The following DSC3 variants were observed in gnomAD, a reference collection of about 807,000 sequenced individuals.
The protein encoded by DSC3 is desmocollin 3.
DSC3 carries 97 observed loss-of-function variants against 89.5 expected under a neutral mutation model. The observed-to-expected ratio is 1.08, with a 90% confidence interval of 0.92 to 1.28. DSC3 has a LOEUF of 1.28. Ranked by LOEUF, DSC3 falls within the 50% of genes most tolerant of loss-of-function variation. DSC3 has a pLI of 0.00. For synonymous variants in DSC3, 436 were observed against 384.1 expected (o/e 1.14, Z -1.58); for missense variants, 1,199 against 1,085.3 (o/e 1.10, Z -1.47).
Position 30,997,041 on chromosome 18 carries a change from G to A in DSC3, c.2243C>T (p.Ala748Val), listed in dbSNP as rs769239542. The A allele has an allele frequency of 3.1e-6, 5 of 1,614,034 alleles. No homozygotes were observed. The highest frequency in any genetic ancestry group is 4.2e-6 in the Non-Finnish European group (5 of 1,180,018). ...GGTAGTTTGGGTCATAAATCCATTG[G>A]CAGAGCACTGAAATAATAAAATGAA... ...EAPGDDRVCSANGFMTQTTNN... is the reference protein window; with the variant it reads ...EAPGDDRVCSVNGFMTQTTNN... Residue 748 changes from alanine (A) to valine (V), a missense_variant, in exon 15 of 16, where the codon GCC becomes GTC. By Grantham distance (64) the Ala-to-Val change is moderately conservative (BLOSUM62 0). Transcript: ENST00000360428.
At position 31,008,071 on chromosome 18, in the gene DSC3, C is replaced by T. The variant is rs140923080; in HGVS notation, c.1608G>A (p.Glu536=). Residue 536 remains glutamate (E), a synonymous_variant, in exon 11 of 16, where the codon GAG becomes GAA. Coordinates refer to ENST00000360428, the MANE Select transcript of DSC3 (RefSeq NM_001941.5). The part of the protein sequence containing the change: ...SIITSKILDR[E]VETPKNELYN... ...ACAACTCATTTTTGGGAGTTTCAAC[C>T]TCCCTATCCAGGATTTTGGAAGTTA... The T allele has an allele frequency of 4.4e-5, 71 of 1,612,960 alleles. No individual in the cohort carries two copies. The highest frequency in any genetic ancestry group is 1.6e-4 in the Middle Eastern group (1 of 6,074).
chr18:31,012,119 T>C (rs778175004), intron 9 of DSC3, among the ~76,000 whole-genome samples: 8 of 151,922 alleles, frequency 5.3e-5, no homozygotes, highest in Non-Finnish European at 1.0e-4. Context: ...AGGGTTTGGA[T>C]AAAATATGAA....
rs745765744 is a variant in DSC3, at chr18:31,031,047, A to G, written c.280T>C (p.Phe94Leu). The change falls in exon 3 of 16, where the codon TTT (phenylalanine) becomes CTT (leucine). Residue 94 changes from phenylalanine (F) to leucine (L), a missense_variant. Physicochemically the swap from Phe to Leu is conservative, Grantham distance 22. Transcript: ENST00000360428. ...CTTTTGTCAGAAAGCCATATGGTAAATGATCTTTTCTTATCAGACAGCGCA... is the reference window on the plus strand; with the variant it reads ...CTTTTGTCAGAAAGCCATATGGTAAGTGATCTTTTCTTATCAGACAGCGCA... ...AVALSDKKRS[F>L]TIWLSDKRKQ... 6 of 1,614,036 alleles carry G rather than the reference A, an allele frequency of 3.7e-6. No homozygotes were observed. Among genetic ancestry groups the G allele is most frequent in the Non-Finnish European group, 4.2e-6 (5 of 1,179,962 alleles).
chr18:31,005,993 G>A (rs1482118179), intron 12 of DSC3, among the ~76,000 whole-genome samples: 3 of 152,096 alleles, frequency 2.0e-5, no homozygotes, highest in African/African-American at 7.2e-5. Flanking sequence ...CTAAGAAATG[G>A]AAAAGGAGGT....
In DSC3 at chr18:31,001,626, C is replaced by A. The variant is rs755736392; in HGVS notation, c.2227G>T (p.Asp743Tyr). ...ATTTAAAAATTACTTACCACTCTAT[C>A]GTCTCCAGGTGCTTCTGTGTTTGAT... ...IISNTEAPGD[D>Y]RVCSANGFMT... Residue 743 changes from aspartate (D) to tyrosine (Y), a missense_variant, in exon 14 of 16, where the codon GAT becomes TAT. Asp to Tyr is a radical substitution (Grantham distance 160). Transcript: ENST00000360428. 27 of 1,609,370 alleles carry A rather than the reference C, an allele frequency of 1.7e-5. 1 individual carries two copies. The highest frequency in any genetic ancestry group is 1.7e-5 in the Admixed American group (1 of 59,928).
intron 4 of DSC3, among the ~76,000 whole-genome samples, chr18:31,027,963 G>C (rs189502481): frequency 6.6e-6 from 1 of 152,186 alleles, no homozygotes; most frequent in Admixed American, 6.5e-5. Context: ...AATTGAGATG[G>C]GAGGCTGTTT....
At chr18:31,009,782 AT>A (rs200312823) in intron 9 of DSC3, among the ~76,000 whole-genome samples, 5 of 151,810 alleles carry the variant, frequency 3.3e-5, no homozygotes, top group African/African-American at 9.7e-5. Context: ...AGATAAACTG[AT>A]TTTTTTTTAA....
intron 14 of DSC3, among the ~76,000 whole-genome samples, chr18:30,999,974 A>G (rs1375837335): frequency 6.6e-6 from 1 of 152,146 alleles, no homozygotes; most frequent in African/African-American, 2.4e-5. Context: ...ATTAAGTAAA[A>G]GTCATCCATG....
chr18:31,035,259 G>C (rs187271847), intron 1 of DSC3, among the ~76,000 whole-genome samples: 8 of 151,676 alleles, frequency 5.3e-5, no homozygotes, highest in Admixed American at 1.3e-4. Flanking sequence ...TAAAATTATC[G>C]TACTTCTCAA....
chr18:31,000,109 A>G (rs1239404741), intron 14 of DSC3, among the ~76,000 whole-genome samples: 2 of 152,030 alleles, frequency 1.3e-5, no homozygotes, highest in Non-Finnish European at 2.9e-5. Flanking sequence ...TAGATGGGCT[A>G]TGATTTTGCA....
chr18:31,014,624 A>T (rs1389545574), intron 9 of DSC3, among the ~76,000 whole-genome samples: 2 of 152,208 alleles, frequency 1.3e-5, no homozygotes, highest in African/African-American at 2.4e-5. Context: ...GCACTTGGCA[A>T]AGTGTCTGGC....
intron 9 of DSC3, among the ~76,000 whole-genome samples, chr18:31,013,188 T>C (rs1985127379): frequency 6.6e-6 from 1 of 152,138 alleles, no homozygotes; most frequent in South Asian, 2.1e-4. Flanking sequence ...AAAGAGAATG[T>C]CAATAACAAA....
Position 31,032,224 on chromosome 18 carries a change from G to A in DSC3, c.122C>T (p.Ser41Phe), listed in dbSNP as rs968061322. Residue 41 changes from serine (S) to phenylalanine (F), a missense_variant, in exon 2 of 16, where the codon TCT (serine) becomes TTT (phenylalanine). Physicochemically the swap from Ser to Phe is radical, Grantham distance 155. Coordinates refer to ENST00000360428, the MANE Select transcript of DSC3 (RefSeq NM_001941.5). ...ACKKVILNVP[S>F]KLEADKIIGR... The stretch of plus-strand genomic sequence containing the variant: ...AATTATTTTGTCTGCCTCTAGTTTA[G>A]AAGGTACATTAAGTATCACCTTTTT... 2.5e-6 allele frequency: 4 copies of A among 1,613,528 alleles called. No homozygotes were observed. In the African/African-American group the frequency reaches 5.3e-5, roughly 22 times the overall value.
chr18:31,001,601 A>G lies in DSC3; in HGVS notation c.2235+17T>C. The G allele has an allele frequency of 6.2e-7, 1 of 1,608,116 alleles. No homozygotes were observed. Among genetic ancestry groups the G allele is most frequent in the Non-Finnish European group, 8.5e-7 (1 of 1,176,368 alleles). On this transcript the variant is annotated intron_variant, in intron 14 of 15. Transcript: ENST00000360428. ...TTATCGGAGATACAAATACATATTT[A>G]TTTAAAAATTACTTACCACTCTATC...
At chr18:31,009,986 AT>A (rs1985001574) in intron 9 of DSC3, among the ~76,000 whole-genome samples, 1 of 152,266 alleles carries the variant, frequency 6.6e-6, no homozygotes, top group Admixed American at 6.5e-5. Context: ...CCCATAAAAC[AT>A]TATGTTACAC....
intron 9 of DSC3, among the ~76,000 whole-genome samples, chr18:31,011,719 A>T (rs1483263443): frequency 6.6e-6 from 1 of 152,072 alleles, no homozygotes; most frequent in Non-Finnish European, 1.5e-5. Flanking sequence ...GATGCCAGGC[A>T]CGGTGGCTCA....
intron 2 of DSC3, 60 bp downstream of exon 2, chr18:31,032,132 G>A (rs1985809565): frequency 8.4e-7 from 1 of 1,191,496 alleles, no homozygotes; most frequent in African/African-American, 1.5e-5. Context: ...ATTATATCAT[G>A]CTCTTTCCAG....
Position 31,032,210 on chromosome 18 carries a change from C to G in DSC3, c.136G>C (p.Asp46His), listed in dbSNP as rs1285827094. 3 of 1,613,328 alleles carry G rather than the reference C, an allele frequency of 1.9e-6. No homozygotes were observed. In the African/African-American group the frequency reaches 4.0e-5, roughly 21 times the overall value. ...ILNVPSKLEA[D>H]KIIGRVNLEE... ...TTCTCACCTCTGCCAATTATTTTGT[C>G]TGCCTCTAGTTTAGAAGGTACATTA... The change falls in exon 2 of 16, where the codon GAC becomes CAC. Residue 46 changes from aspartate to histidine, a missense_variant. Transcript: ENST00000360428.
intron 4 of DSC3, among the ~76,000 whole-genome samples, chr18:31,028,252 CA>C (rs1985666139): frequency 6.6e-6 from 1 of 152,012 alleles, no homozygotes; most frequent in African/African-American, 2.4e-5. Flanking sequence ...TCCAGCCAAA[CA>C]TACGAAGGAG....
Sources: gnomAD v4.1 joint callset for allele counts (sites outside exome capture counted in the v4.1 genomes callset) on GRCh38, gnomAD v4.1.1 for gene constraint, MANE v1.5 for transcripts, NCBI Gene and HGNC (gene_info 2026-07-23, HGNC 2026-07-21) for gene names.